Variants in LIN7A observed in about 807,000 individuals in gnomAD.
The protein encoded by LIN7A is protein lin-7 homolog A.
LIN7A carries 25 observed loss-of-function variants against 29.8 expected under a neutral mutation model. The observed-to-expected ratio is 0.84, with a 90% CI of 0.61 to 1.17. LIN7A has a LOEUF of 1.17. Ranked by LOEUF, LIN7A falls within the 50% of genes most tolerant of loss-of-function variation. The probability of loss-of-function intolerance (pLI) is 0.00; values close to 1 mark genes in which losing one functional copy is unlikely to be tolerated. For synonymous variants in LIN7A, 118 were observed against 107.5 expected, an observed-to-expected ratio of 1.10 and a Z score of -0.60; for missense variants, 239 against 287.0, an observed-to-expected ratio of 0.83 and a Z score of 1.21.
intron 4 of LIN7A, among the ~76,000 whole-genome samples, chr12:80,828,195 C>G: frequency 6.6e-6 from 1 of 152,030 alleles, no homozygotes; most frequent in East Asian, 1.9e-4. Flanking sequence ...TAAAGTATAT[C>G]CATATCTTCC....
intron 4 of LIN7A, among the ~76,000 whole-genome samples, chr12:80,823,580 C>T (rs1871919026): frequency 6.6e-6 from 1 of 152,196 alleles, no homozygotes; most frequent in South Asian, 2.1e-4. Context: ...TCTGACTTGC[C>T]CCTGGTAGGC....
chr12:80,828,530 A>T (rs1013044214), intron 4 of LIN7A, among the ~76,000 whole-genome samples: 1 of 152,188 alleles, frequency 6.6e-6, no homozygotes, highest in African/African-American at 2.4e-5. Context: ...ATAGTAGCTT[A>T]TATTCATTGA....
chr12:80,845,853 A>C lies in LIN7A; in HGVS notation c.360T>G (p.Phe120Leu). Residue 120 changes from phenylalanine (F) to leucine (L), a missense_variant, in exon 4 of 6, where the codon TTT becomes TTG. Coordinates refer to ENST00000552864, the MANE Select transcript of LIN7A (RefSeq NM_004664.4). ...ELPKTDEGLG[F>L]NVMGGKEQNS... ...TTTGCTCCTTTCCTCCCATCACATT[A>C]AAACCAAGGCCTTCATCAGTCTTTG... The C allele has an allele frequency of 6.2e-7, 1 of 1,613,952 alleles. No homozygotes were observed. The highest frequency in any genetic ancestry group is 8.5e-7 in the Non-Finnish European group (1 of 1,179,928).
intron 1 of LIN7A, among the ~76,000 whole-genome samples, chr12:80,897,561 C>A (rs975555283): frequency 4.6e-5 from 7 of 152,050 alleles, no homozygotes; most frequent in African/African-American, 1.7e-4. Flanking sequence ...AATCCCAGCA[C>A]TTTGAGAGGA....
intron 5 of LIN7A, among the ~76,000 whole-genome samples, chr12:80,807,524 G>A (rs1031851098): frequency 6.6e-6 from 1 of 152,142 alleles, no homozygotes; most frequent in Admixed American, 6.5e-5. Flanking sequence ...ATCTGAATAG[G>A]AACATATTTC....
At chr12:80,922,079 A>G (rs1443472512) in intron 1 of LIN7A, among the ~76,000 whole-genome samples, 1 of 152,256 alleles carries the variant, frequency 6.6e-6, no homozygotes, top group Non-Finnish European at 1.5e-5. Context: ...AGGAAAGGAA[A>G]TAAATCCTAT....
At chr12:80,889,947 G>T (rs140699468) in intron 1 of LIN7A, among the ~76,000 whole-genome samples, 97 of 152,078 alleles carry the variant, frequency 6.4e-4, no homozygotes, top group African/African-American at 2.3e-3. Flanking sequence ...TCAGGCCCTC[G>T]TCATCTCCCC....
At chr12:80,800,461 C>G (rs910209080) in intron 5 of LIN7A, among the ~76,000 whole-genome samples, 16 of 118,374 alleles carry the variant, frequency 1.4e-4, no homozygotes, top group African/African-American at 5.3e-4. Context: ...TGCACTCCAG[C>G]CTGGGCAGCA....
Position 80,877,121 on chromosome 12 carries a change from C to CAAA in LIN7A, c.201+12127_201+12129dup, listed in dbSNP as rs55779514. ...TAGCCAACAGAGAGAGACTCTGTCTCAAAAAAAAAAAAAAAAAGTTAAATA... is the reference window on the plus strand; with the variant it reads ...TAGCCAACAGAGAGAGACTCTGTCTCAAAAAAAAAAAAAAAAAAAAGTTAAATA... On this transcript the variant is annotated intron_variant, in intron 2 of 5. Transcript: ENST00000552864. Among the ~76,000 whole-genome samples, 102 of 106,506 alleles carry CAAA rather than the reference C, an allele frequency of 9.6e-4. 4 individuals carry two copies. Among genetic ancestry groups the CAAA allele is most frequent in the African/African-American group, 3.3e-3 (90 of 27,244 alleles). The allele number at this position is 106,506 out of a possible 152,430, so 69.9% of individuals were successfully genotyped here. A position where few individuals can be genotyped will look rare whatever the true frequency, so the allele number is the denominator to read the frequency against.
At chr12:80,842,187 A>AT in intron 4 of LIN7A, 1 of 1,196,966 alleles carries the variant, frequency 8.4e-7, no homozygotes, top group South Asian at 1.3e-5. Flanking sequence ...TTATTTATTG[A>AT]TTTCCCCCCC....
At chr12:80,807,083 T>TTTTTTTTTGTTTTTTG (rs537102844) in intron 5 of LIN7A, among the ~76,000 whole-genome samples, 1 of 137,206 alleles carries the variant, frequency 7.3e-6, no homozygotes, top group Non-Finnish European at 1.6e-5. Flanking sequence ...TTTTTTTTTT[T>TTTTTTTTTGTTTTTTG]TTTTTTTTGA....
chr12:80,889,255 C>T lies in LIN7A; in HGVS notation c.197G>A (p.Arg66Gln), dbSNP rs201514763. Residue 66 changes from arginine (R) to glutamine (Q), a missense_variant, in exon 2 of 6, where the codon CGA becomes CAA. Physicochemically the swap from Arg to Gln is conservative, Grantham distance 43. Transcript: ENST00000552864. ...ATTAAAATTTTAGTGCCATACCTCT[C>T]GAATAGCTGTACAAAACTCACTCTG... The part of the protein sequence containing the change: ...VLQSEFCTAI[R>Q]EVYQYMHETI... The T allele has an allele frequency of 8.9e-6, 14 of 1,581,444 alleles. No individual in the cohort carries two copies. The highest frequency in any genetic ancestry group is 4.4e-5 in the South Asian group (4 of 90,322).
At chr12:80,913,031 A>G (rs1876844956) in intron 1 of LIN7A, among the ~76,000 whole-genome samples, 1 of 152,230 alleles carries the variant, frequency 6.6e-6, no homozygotes, top group African/African-American at 2.4e-5. Flanking sequence ...GAGTTGAAGA[A>G]AACACAGGTG....
intron 1 of LIN7A, among the ~76,000 whole-genome samples, chr12:80,925,837 A>G (rs1228380917): frequency 6.6e-6 from 1 of 152,176 alleles, no homozygotes; most frequent in East Asian, 1.9e-4. Context: ...TTTGCACAGT[A>G]TTTTGCTGTC....
intron 1 of LIN7A, among the ~76,000 whole-genome samples, chr12:80,897,820 T>C (rs960167683): frequency 6.6e-6 from 1 of 151,788 alleles, no homozygotes; most frequent in Non-Finnish European, 1.5e-5. Flanking sequence ...ATAAAAAAAA[T>C]TGTTTCTTGA....
chr12:80,913,828 A>G (rs1876893183), intron 1 of LIN7A, among the ~76,000 whole-genome samples: 1 of 152,206 alleles, frequency 6.6e-6, no homozygotes, highest in Admixed American at 6.5e-5. Flanking sequence ...AAAAAAATCT[A>G]TAGCTATTAC....
chr12:80,828,061 A>C (rs373094518), intron 4 of LIN7A, among the ~76,000 whole-genome samples: 233 of 152,342 alleles, frequency 1.5e-3, no homozygotes, highest in African/African-American at 5.4e-3. Flanking sequence ...ATGAGATCAA[A>C]ATCATTCACA....
chr12:80,907,532 T>G (rs1876548126), intron 1 of LIN7A, among the ~76,000 whole-genome samples: 1 of 152,200 alleles, frequency 6.6e-6, no homozygotes, highest in Non-Finnish European at 1.5e-5. Flanking sequence ...TTATCTCAGC[T>G]TCAGCATCTT....
intron 1 of LIN7A, among the ~76,000 whole-genome samples, chr12:80,900,616 C>T (rs1876162141): frequency 6.6e-6 from 1 of 152,014 alleles, no homozygotes; most frequent in African/African-American, 2.4e-5. Context: ...GTTCTGTGGT[C>T]TGAGAATGTG....
Sources: gnomAD v4.1 joint callset for allele counts (sites outside exome capture counted in the v4.1 genomes callset) on GRCh38, gnomAD v4.1.1 for gene constraint, MANE v1.5 for transcripts, NCBI Gene and HGNC (gene_info 2026-07-23, HGNC 2026-07-21) for gene names.